Variants in SMIM36 observed in about 807,000 individuals in gnomAD.
SMIM36 encodes the protein small integral membrane protein 36.
chr17:55,486,019 CTT>C (rs72017867), intron 1 of SMIM36, among the ~76,000 whole-genome samples: 34,158 of 142,486 alleles, frequency 0.24, 4,358 homozygotes, highest in Non-Finnish European at 0.29. Flanking sequence ...AAAGAGCTTT[CTT>C]TTTTTTTTTT....
chr17:55,504,628 G>T lies in SMIM36; in HGVS notation c.*174+6251C>A, dbSNP rs1321985100. Among the ~76,000 whole-genome samples the T allele has an allele frequency of 7.4e-4, 63 of 84,874 alleles. 16 individuals carry two copies. The highest frequency in any genetic ancestry group is 1.0e-3 in the Non-Finnish European group (50 of 48,524). The allele number at this position is 84,874 out of a possible 152,430, so 55.7% of individuals were successfully genotyped here. A position where few individuals can be genotyped will look rare whatever the true frequency, so the allele number is the denominator to read the frequency against. On this transcript the variant is annotated intron_variant, in intron 1 of 4. Coordinates refer to ENST00000636752, the Ensembl canonical transcript of SMIM36. ...AATGCCCACAAGAGAAAGCAGGAAC[G>T]ATCCAAAATTGACACCCTAACATCA...
At chr17:55,508,401 A>G (rs1314213672) in intron 1 of SMIM36, among the ~76,000 whole-genome samples, 1 of 143,888 alleles carries the variant, frequency 6.9e-6, no homozygotes, top group African/African-American at 2.7e-5. Flanking sequence ...CCCGTAAAAT[A>G]TATACATATT....
rs535640811 is a variant in SMIM36, at chr17:55,458,926, G to A, written c.*531+8219C>T. Among the ~76,000 whole-genome samples the A allele has an allele frequency of 3.3e-4, 51 of 152,312 alleles. 1 individual carries two copies. The South Asian group carries it at 8.1e-3, about 24-fold the overall frequency. Reference sequence around the variant, plus strand: ...CCAAGGCAAGAAACCCCGGGGTACAGAAATCCCTCTGTCCTTGTGATAAGG... The same window carrying A: ...CCAAGGCAAGAAACCCCGGGGTACAAAAATCCCTCTGTCCTTGTGATAAGG... On this transcript the variant is annotated intron_variant, in intron 4 of 4. Coordinates refer to ENST00000636752, the Ensembl canonical transcript of SMIM36.
the SMIM36 span, chr17:55,526,941 C>A: frequency 1.3e-5 from 2 of 152,132 alleles, no homozygotes; most frequent in African/African-American, 4.8e-5. Context: ...GGCTCTACTC[C>A]CCTCAGCTGT....
At chr17:55,472,799 C>T (rs531440764) in intron 3 of SMIM36, among the ~76,000 whole-genome samples, 70 of 147,510 alleles carry the variant, frequency 4.7e-4, no homozygotes, top group African/African-American at 9.3e-4. Context: ...AACCGGGAGG[C>T]GGAGGTTGCA....
At chr17:55,459,140 G>T (rs989892353) in intron 4 of SMIM36, among the ~76,000 whole-genome samples, 3 of 152,106 alleles carry the variant, frequency 2.0e-5, no homozygotes, top group Admixed American at 2.0e-4. Flanking sequence ...CTTCCCTAGA[G>T]GTTTGAGCAG....
chr17:55,470,964 G>T (rs1217082544), intron 3 of SMIM36, among the ~76,000 whole-genome samples: 5 of 152,070 alleles, frequency 3.3e-5, no homozygotes, highest in Non-Finnish European at 7.3e-5. Context: ...AAGTCTTACA[G>T]GTTGGTTCAG....
chr17:55,469,148 C>CA lies in SMIM36; in HGVS notation c.*348-1821dup, dbSNP rs555507764. 5.4e-3 allele frequency among the ~76,000 whole-genome samples: 829 copies of CA among 152,184 alleles called. 7 individuals are homozygous for CA. The highest frequency in any genetic ancestry group is 1.0e-2 in the Non-Finnish European group (677 of 68,002). On this transcript the variant is annotated intron_variant, in intron 3 of 4. Transcript: ENST00000636752. ...CTCCCCTCCTCCCCAGGCTGCTCCTCACCAGGCCCAATTCTTCCTCAGCCT... is the reference window on the plus strand; with the variant it reads ...CTCCCCTCCTCCCCAGGCTGCTCCTCAACCAGGCCCAATTCTTCCTCAGCCT...
In SMIM36 at chr17:55,498,142, A is replaced by G. The variant is rs1259137158; in HGVS notation, c.*174+12737T>C. On this transcript the variant is annotated intron_variant, in intron 1 of 4. Transcript: ENST00000636752. ...ATAACTCCATTCTTCATATGCATGT[A>G]TATCTGTGTCCAAAATTCCCTTTTT... Among the ~76,000 whole-genome samples the G allele has an allele frequency of 3.3e-5, 5 of 152,300 alleles. No homozygotes were observed. In the East Asian group the frequency reaches 5.8e-4, roughly 18 times the overall value.
intron 4 of SMIM36, among the ~76,000 whole-genome samples, chr17:55,454,880 AT>A (rs1197410636): frequency 6.6e-6 from 1 of 152,158 alleles, no homozygotes; most frequent in Non-Finnish European, 1.5e-5. Context: ...TTTAATGACC[AT>A]ATTTTTTTTC....
chr17:55,492,229 CT>C (rs200816263), intron 1 of SMIM36, among the ~76,000 whole-genome samples: 6,835 of 116,836 alleles, frequency 0.059, 717 homozygotes, highest in African/African-American at 0.26. Flanking sequence ...TTTTTCTTTT[CT>C]TTTCTTTCTT....
chr17:55,496,800 A>G (rs539844109), intron 1 of SMIM36, among the ~76,000 whole-genome samples: 3 of 152,350 alleles, frequency 2.0e-5, no homozygotes, highest in Admixed American at 6.5e-5. Context: ...GTTGCTCTGC[A>G]TGGATTCTGG....
intron 1 of SMIM36, among the ~76,000 whole-genome samples, chr17:55,500,360 A>G (rs1909886343): frequency 6.6e-6 from 1 of 152,102 alleles, no homozygotes; most frequent in Admixed American, 6.6e-5. Context: ...CTTGGTCTCA[A>G]GTGATCCTCT....
intron 1 of SMIM36, among the ~76,000 whole-genome samples, chr17:55,485,134 A>G (rs1182840788): frequency 6.6e-6 from 1 of 152,184 alleles, no homozygotes; most frequent in Admixed American, 6.6e-5. Flanking sequence ...TTTCTTTAAA[A>G]TATTTTATTA....
intron 4 of SMIM36, among the ~76,000 whole-genome samples, chr17:55,456,858 T>A (rs1379375538): frequency 6.6e-6 from 1 of 152,208 alleles, no homozygotes; most frequent in Non-Finnish European, 1.5e-5. Flanking sequence ...TCCACTCATG[T>A]CAACACATTA....
chr17:55,500,326 T>C (rs767503900), intron 1 of SMIM36, among the ~76,000 whole-genome samples: 1 of 152,084 alleles, frequency 6.6e-6, no homozygotes, highest in Non-Finnish European at 1.5e-5. Flanking sequence ...GCTCTTGCTA[T>C]GTTGCCCAGG....
chr17:55,460,988 AC>A (rs1300767566), intron 4 of SMIM36, among the ~76,000 whole-genome samples: 1 of 152,228 alleles, frequency 6.6e-6, no homozygotes, highest in Non-Finnish European at 1.5e-5. Context: ...GGAGATTTGT[AC>A]TTGTGTAGAG....
chr17:55,490,716 G>A (rs1163200887), intron 1 of SMIM36, among the ~76,000 whole-genome samples: 2 of 152,082 alleles, frequency 1.3e-5, no homozygotes, highest in African/African-American at 2.4e-5. Flanking sequence ...AGGAATACTC[G>A]AAGTAGGGTC....
chr17:55,523,009 G>A, the SMIM36 span, among the ~76,000 whole-genome samples: 3 of 152,122 alleles, frequency 2.0e-5, no homozygotes, highest in Non-Finnish European at 4.4e-5. Context: ...CTTGGCAGGG[G>A]ATTAGAGAAA....
Sources: gnomAD v4.1 joint callset for allele counts (sites outside exome capture counted in the v4.1 genomes callset) on GRCh38, gnomAD v4.1.1 for gene constraint, MANE v1.5 for transcripts, NCBI Gene and HGNC (gene_info 2026-07-23, HGNC 2026-07-21) for gene names.